Variants in WBP2NL observed in about 807,000 individuals in gnomAD.
WBP2NL encodes the protein WBP2 N-terminal like, also known as postacrosomal sheath WW domain-binding protein.
In WBP2NL, 27 loss-of-function variants were observed where a neutral mutation model predicts 23.3. That is an observed-to-expected ratio of 1.16 (90% confidence interval 0.85 to 1.60). The LOEUF (loss-of-function observed/expected upper bound fraction) is 1.60. Among genes scored for constraint, WBP2NL ranks in the 40% most tolerant of loss-of-function variants. The probability of loss-of-function intolerance (pLI) is 0.00; values close to 1 mark genes in which losing one functional copy is unlikely to be tolerated. For synonymous variants in WBP2NL, 151 were observed against 145.9 expected (o/e 1.03, Z -0.25); for missense variants, 370 against 389.5 (o/e 0.95, Z 0.42).
chr22:42,027,511 G>A lies in WBP2NL; in HGVS notation c.*330G>A, dbSNP rs572008970. The A allele has an allele frequency of 3.7e-5, 12 of 324,098 alleles. No homozygotes were observed. Among genetic ancestry groups the A allele is most frequent in the Non-Finnish European group, 5.6e-5 (10 of 178,212 alleles). 20.1% of individuals were successfully genotyped at this position (324,098 alleles called of 1,614,324 possible). ...TTCCTGTCTTCCCATCCTCATTCAAGAAACATTTATTATGCTCCGTTTGCT... is the reference window on the plus strand; with the variant it reads ...TTCCTGTCTTCCCATCCTCATTCAAAAAACATTTATTATGCTCCGTTTGCT... On this transcript the variant is annotated 3_prime_UTR_variant, in exon 6 of 6. Coordinates refer to ENST00000328823, the MANE Select transcript of WBP2NL (RefSeq NM_152613.3).
At chr22:42,020,879 TA>T (rs1569449955) in intron 4 of WBP2NL, among the ~76,000 whole-genome samples, 7 of 20,650 alleles carry the variant, frequency 3.4e-4, no homozygotes, top group Admixed American at 5.9e-4. Flanking sequence ...TATATATATA[TA>T]TATATATATA....
chr22:42,015,046 TTTG>T (rs1923180572), intron 1 of WBP2NL, among the ~76,000 whole-genome samples: 1 of 152,248 alleles, frequency 6.6e-6, no homozygotes, highest in Admixed American at 6.5e-5. Flanking sequence ...CCTAGTGATT[TTTG>T]TTGTTGTTGA....
intron 8 of WBP2NL, among the ~76,000 whole-genome samples, chr22:42,053,518 G>A (rs911098112): frequency 1.3e-5 from 2 of 151,272 alleles, no homozygotes; most frequent in Non-Finnish European, 2.9e-5. Flanking sequence ...GGAGTGCAGT[G>A]GCGCGATCTC....
chr22:42,008,155 T>TG (rs1922461287), intron 1 of WBP2NL, among the ~76,000 whole-genome samples: 1 of 145,334 alleles, frequency 6.9e-6, no homozygotes, highest in Non-Finnish European at 1.5e-5. Context: ...TCCTTTCCTT[T>TG]CCTTTCCTTT....
chr22:42,007,545 A>G (rs1381053064), intron 1 of WBP2NL, among the ~76,000 whole-genome samples: 1 of 152,142 alleles, frequency 6.6e-6, no homozygotes, highest in African/African-American at 2.4e-5. Context: ...TGTTCCCATT[A>G]AACAATTCCC....
chr22:42,051,989 G>C (rs767982784), intron 8 of WBP2NL, among the ~76,000 whole-genome samples: 1 of 152,220 alleles, frequency 6.6e-6, no homozygotes, highest in African/African-American at 2.4e-5. Flanking sequence ...TTGCACAGCT[G>C]TAAGTGGAGC....
At chr22:42,055,443 G>A (rs1925994682) in intron 8 of WBP2NL, among the ~76,000 whole-genome samples, 1 of 152,128 alleles carries the variant, frequency 6.6e-6, no homozygotes, top group Non-Finnish European at 1.5e-5. Flanking sequence ...CCAAAGTGCT[G>A]GGATTACAGG....
chr22:42,007,737 T>C (rs187795458), intron 1 of WBP2NL, among the ~76,000 whole-genome samples: 2 of 152,358 alleles, frequency 1.3e-5, no homozygotes, highest in South Asian at 2.1e-4. Flanking sequence ...AGGATTTCCT[T>C]CTTTTAAGGT....
intron 1 of WBP2NL, among the ~76,000 whole-genome samples, chr22:42,007,165 A>G (rs1922329226): frequency 2.6e-5 from 4 of 152,130 alleles, no homozygotes; most frequent in Admixed American, 2.0e-4. Flanking sequence ...CTGGTATTCC[A>G]GTGTGCATAA....
intron 1 of WBP2NL, among the ~76,000 whole-genome samples, chr22:42,011,203 A>T (rs2146770408): frequency 6.6e-6 from 1 of 152,276 alleles, no homozygotes; most frequent in South Asian, 2.1e-4. Context: ...TTTCAGAAAG[A>T]TTAGTTAATT....
At chr22:42,037,746 G>T (rs1647776691), downstream of WBP2NL, among the ~76,000 whole-genome samples, 1 of 151,714 alleles carries the variant, frequency 6.6e-6, no homozygotes, top group African/African-American at 2.4e-5. Context: ...ATATAGAGAT[G>T]CTATGGAGTT....
intron 8 of WBP2NL, among the ~76,000 whole-genome samples, chr22:42,054,461 G>A (rs1418811484): frequency 1.3e-5 from 2 of 151,918 alleles, no homozygotes; most frequent in African/African-American, 4.8e-5. Context: ...AAAGTGCTGG[G>A]ATTATAAGCA....
At chr22:42,049,698 AACAAAAC>A (rs1569455116) in intron 8 of WBP2NL, among the ~76,000 whole-genome samples, 15 of 91,182 alleles carry the variant, frequency 1.6e-4, no homozygotes, top group African/African-American at 7.6e-4. Context: ...TCCAAAACAA[AACAAAAC>A]AAAAAAAAAA....
At chr22:42,039,047 A>G (rs1046990042) in intron 8 of WBP2NL, among the ~76,000 whole-genome samples, 3 of 151,036 alleles carry the variant, frequency 2.0e-5, no homozygotes, top group East Asian at 3.9e-4. Flanking sequence ...AGCTGGGACT[A>G]CAGGTGCACA....
At chr22:42,035,288 C>G (rs371353007), downstream of WBP2NL, among the ~76,000 whole-genome samples, 15 of 152,390 alleles carry the variant, frequency 9.8e-5, no homozygotes, top group East Asian at 9.6e-4. Flanking sequence ...TTCCTGGGCC[C>G]CCAAGAGTGC....
At chr22:42,000,066 C>CTGACTTGCCCT (rs1300043730) in intron 1 of WBP2NL, among the ~76,000 whole-genome samples, 1 of 152,218 alleles carries the variant, frequency 6.6e-6, no homozygotes, top group Admixed American at 6.5e-5. Flanking sequence ...TTTCTGGGCT[C>CTGACTTGCCCT]TGACTTGCCC....
intron 1 of WBP2NL, chr22:42,001,774 G>A (rs1921718354): frequency 8.4e-7 from 1 of 1,192,268 alleles, no homozygotes; most frequent in East Asian, 2.3e-5. Context: ...AGGACTCCGT[G>A]CTCCTTGGGA....
At chr22:42,047,561 C>T (rs1181535891) in intron 8 of WBP2NL, among the ~76,000 whole-genome samples, 1 of 150,432 alleles carries the variant, frequency 6.6e-6, no homozygotes, top group African/African-American at 2.4e-5. Flanking sequence ...CTGCACAGAG[C>T]GAGTCTCATC....
chr22:42,008,131 C>CCTTTG (rs1922450621), intron 1 of WBP2NL, among the ~76,000 whole-genome samples: 1 of 132,608 alleles, frequency 7.5e-6, no homozygotes, highest in African/African-American at 3.0e-5. Flanking sequence ...GCTTTCCTTT[C>CCTTTG]CTTTCCTTTC....
Sources: gnomAD v4.1 joint callset for allele counts (sites outside exome capture counted in the v4.1 genomes callset) on GRCh38, gnomAD v4.1.1 for gene constraint, MANE v1.5 for transcripts, NCBI Gene and HGNC (gene_info 2026-07-23, HGNC 2026-07-21) for gene names.